Variants in WWOX observed in about 807,000 individuals in gnomAD.
WWOX encodes the protein WW domain containing oxidoreductase, also known as WW domain-containing oxidoreductase.
Under a neutral mutation model 46.2 loss-of-function variants are expected in WWOX, and 69 were observed. That is an observed-to-expected ratio of 1.49 (90% confidence interval 1.23 to 1.82). The LOEUF is 1.82. Ranked by LOEUF, WWOX falls within the 40% of genes most tolerant of loss-of-function variation. The pLI, the probability that WWOX is intolerant of heterozygous loss-of-function variation, is 0.00. For synonymous variants in WWOX, 359 were observed against 202.6 expected (o/e 1.77, Z -6.56); for missense variants, 919 against 542.6 (o/e 1.69, Z -6.89).
chr16:78,983,324 C>G (rs919118249), intron 8 of WWOX, among the ~76,000 whole-genome samples: 1 of 152,136 alleles, frequency 6.6e-6, no homozygotes, highest in Admixed American at 6.5e-5. Flanking sequence ...AGGGCCTCCT[C>G]GTATCTGGTC....
At chr16:78,151,734 C>A (rs934686653) in intron 4 of WWOX, among the ~76,000 whole-genome samples, 12 of 152,180 alleles carry the variant, frequency 7.9e-5, no homozygotes, top group Non-Finnish European at 1.6e-4. Flanking sequence ...GGCATGTATG[C>A]ATGTGTTAAA....
At chr16:78,469,641 C>G (rs1195334725) in intron 8 of WWOX, among the ~76,000 whole-genome samples, 1 of 152,168 alleles carries the variant, frequency 6.6e-6, no homozygotes, top group African/African-American at 2.4e-5. Flanking sequence ...CAGGACATGT[C>G]TGAGTACCGC....
intron 5 of WWOX, among the ~76,000 whole-genome samples, chr16:78,286,976 C>A (rs943579351): frequency 6.6e-6 from 1 of 152,152 alleles, no homozygotes; most frequent in Non-Finnish European, 1.5e-5. Context: ...CTTAGCAGCT[C>A]CTTGTCATAC....
At position 78,312,284 on chromosome 16, in the gene WWOX, G is replaced by A. The variant is rs74029882; in HGVS notation, c.517-74576G>A. ...TGAATTCAGCTTTACAGTATCTTTT[G>A]TAGGGGGTAATTTTAGCTTCTTTCT... On this transcript the variant is annotated intron_variant, in intron 5 of 8. Coordinates refer to ENST00000566780, the MANE Select transcript of WWOX (RefSeq NM_016373.4). Among the ~76,000 whole-genome samples, 1,007 of 151,694 alleles carry A rather than the reference G, an allele frequency of 6.6e-3. 11 individuals are homozygous for A. The highest frequency in any genetic ancestry group is 0.022 in the African/African-American group (914 of 41,410).
chr16:78,586,475 A>G (rs1271501538), intron 8 of WWOX, among the ~76,000 whole-genome samples: 1 of 152,040 alleles, frequency 6.6e-6, no homozygotes, highest in Non-Finnish European at 1.5e-5. Context: ...CTCTGTACCT[A>G]CCACCTGCCA....
intron 5 of WWOX, among the ~76,000 whole-genome samples, chr16:78,180,578 G>C (rs1432804679): frequency 6.6e-6 from 1 of 152,064 alleles, no homozygotes; most frequent in Non-Finnish European, 1.5e-5. Context: ...CTGAGAGTAG[G>C]GGTATATGTT....
intron 8 of WWOX, among the ~76,000 whole-genome samples, chr16:78,503,438 T>A (rs2085117482): frequency 6.6e-6 from 1 of 150,786 alleles, no homozygotes; most frequent in South Asian, 2.1e-4. Flanking sequence ...TTAAATATAA[T>A]TCCTTATTGT....
intron 6 of WWOX, among the ~76,000 whole-genome samples, chr16:78,394,202 T>C (rs7190067): frequency 0.34 from 52,025 of 152,062 alleles, 11,728 homozygotes; most frequent in African/African-American, 0.6. Context: ...CTTGGCTCAA[T>C]ATGAGAAATC....
intron 8 of WWOX, among the ~76,000 whole-genome samples, chr16:78,862,561 A>AGT (rs751042365): frequency 1.2e-4 from 18 of 152,266 alleles, no homozygotes; most frequent in Non-Finnish European, 2.2e-4. Context: ...TCATGAAATT[A>AGT]CAGAGACTGA....
At chr16:78,934,163 G>A (rs960032463) in intron 8 of WWOX, among the ~76,000 whole-genome samples, 8 of 151,486 alleles carry the variant, frequency 5.3e-5, no homozygotes, top group African/African-American at 1.5e-4. Context: ...GTGAAACCCC[G>A]TCTCTACTAA....
At chr16:78,651,892 A>G (rs1436833370) in intron 8 of WWOX, among the ~76,000 whole-genome samples, 1 of 152,150 alleles carries the variant, frequency 6.6e-6, no homozygotes, top group Non-Finnish European at 1.5e-5. Flanking sequence ...ATTGCTAGCT[A>G]TTCCCATAGG....
intron 5 of WWOX, among the ~76,000 whole-genome samples, chr16:78,319,420 C>A (rs938700072): frequency 1.3e-5 from 2 of 152,074 alleles, no homozygotes; most frequent in African/African-American, 4.8e-5. Context: ...CCATCACGCC[C>A]GGCTAACTTT....
At chr16:78,792,972 C>T (rs555837775) in intron 8 of WWOX, among the ~76,000 whole-genome samples, 9 of 152,294 alleles carry the variant, frequency 5.9e-5, no homozygotes, top group African/African-American at 9.6e-5. Flanking sequence ...CTCTTTATTT[C>T]GTTGGTGCTC....
chr16:78,975,261 G>T (rs1024379272), intron 8 of WWOX, among the ~76,000 whole-genome samples: 1 of 152,168 alleles, frequency 6.6e-6, no homozygotes, highest in Non-Finnish European at 1.5e-5. Flanking sequence ...GGGAAGGTGT[G>T]GCAATGTCTA....
At chr16:78,671,747 T>A (rs2047470193) in intron 8 of WWOX, among the ~76,000 whole-genome samples, 1 of 152,212 alleles carries the variant, frequency 6.6e-6, no homozygotes, top group Non-Finnish European at 1.5e-5. Flanking sequence ...AGAATGCTAT[T>A]ATTTAGAACA....
chr16:79,185,287 G>C (rs1222601859), intron 8 of WWOX, among the ~76,000 whole-genome samples: 1 of 152,208 alleles, frequency 6.6e-6, no homozygotes, highest in African/African-American at 2.4e-5. Flanking sequence ...AATAAGAGCA[G>C]AGGCAGTCTC....
At chr16:78,868,862 G>A (rs530385549) in intron 8 of WWOX, among the ~76,000 whole-genome samples, 43 of 152,186 alleles carry the variant, frequency 2.8e-4, no homozygotes, top group South Asian at 2.5e-3. Context: ...ATTGTCTCAT[G>A]GATTTTTAAT....
chr16:78,321,199 T>C (rs1014951429), intron 5 of WWOX, among the ~76,000 whole-genome samples: 2 of 151,662 alleles, frequency 1.3e-5, no homozygotes, highest in African/African-American at 4.8e-5. Context: ...ACAGGAGTTT[T>C]AGAAGCTGAG....
intron 8 of WWOX, among the ~76,000 whole-genome samples, chr16:78,651,191 T>C (rs2046958247): frequency 1.3e-5 from 2 of 152,270 alleles, no homozygotes; most frequent in South Asian, 2.1e-4. Flanking sequence ...AGCACCACTG[T>C]ACAGCATCTT....
Sources: allele counts gnomAD v4.1 joint callset (sites outside exome capture counted in the v4.1 genomes callset), GRCh38; gene constraint gnomAD v4.1.1; transcripts MANE v1.5; gene names NCBI Gene and HGNC (gene_info 2026-07-23, HGNC 2026-07-21).